Variants in GPATCH8 observed in about 807,000 individuals in gnomAD.
The protein encoded by GPATCH8 is G patch domain-containing protein 8.
A neutral mutation model predicts 118.3 loss-of-function variants in GPATCH8; 18 were observed. That is an observed-to-expected ratio of 0.15 (90% CI 0.11 to 0.23). GPATCH8 has a LOEUF of 0.23. Ranked by LOEUF, GPATCH8 falls within the 10% of genes least tolerant of loss-of-function variation. GPATCH8 has a pLI of 1.00. For synonymous variants in GPATCH8, 659 were observed against 684.7 expected (o/e 0.96, Z 0.59); for missense variants, 1,631 against 1,873.8 (o/e 0.87, Z 2.39).
At chr17:44,423,206 C>T (rs2049976724) in intron 6 of GPATCH8, among the ~76,000 whole-genome samples, 1 of 152,112 alleles carries the variant, frequency 6.6e-6, no homozygotes, top group Admixed American at 6.6e-5. Flanking sequence ...CACCACTGCA[C>T]TCCAGCTTGG....
chr17:44,494,143 C>T (rs1268187994), intron 1 of GPATCH8, among the ~76,000 whole-genome samples: 3 of 152,160 alleles, frequency 2.0e-5, no homozygotes, highest in Non-Finnish European at 4.4e-5. Flanking sequence ...ACCTTTCTAG[C>T]TCATTCCCTA....
At chr17:44,406,727 A>C (rs919727781) in intron 6 of GPATCH8, among the ~76,000 whole-genome samples, 4 of 152,164 alleles carry the variant, frequency 2.6e-5, no homozygotes, top group Non-Finnish European at 5.9e-5. Context: ...CATGGCCCTG[A>C]GAGGAATATC....
At chr17:44,464,690 A>G in intron 2 of GPATCH8, 146 bp from the exon 3 acceptor site, 1 of 689,086 alleles carries the variant, frequency 1.5e-6, no homozygotes, top group East Asian at 2.6e-5. Context: ...AATGTGCCCA[A>G]TAAGAGGGAC....
intron 1 of GPATCH8, among the ~76,000 whole-genome samples, chr17:44,482,330 T>C (rs1310678830): frequency 6.6e-6 from 1 of 151,596 alleles, no homozygotes; most frequent in African/African-American, 2.4e-5. Flanking sequence ...TACCAGCACT[T>C]TGGGAGGCCA....
intron 1 of GPATCH8, among the ~76,000 whole-genome samples, chr17:44,490,535 C>T (rs2144467996): frequency 6.6e-6 from 1 of 151,900 alleles, no homozygotes; most frequent in East Asian, 1.9e-4. Flanking sequence ...ATTTCATTAT[C>T]TAAATCAACA....
chr17:44,436,873 C>A, intron 3 of GPATCH8: 1 of 309,534 alleles, frequency 3.2e-6, no homozygotes, highest in Non-Finnish European at 6.2e-6. Context: ...TTAAGATCCC[C>A]AAATAACTTC....
rs758164012 is a variant in GPATCH8 at position 44,401,377 on chromosome 17, C to T, written c.700G>A (p.Glu234Lys). ...CCTGTGCCACTATTTGTAGCTGATT[C>T]ATCTTTATCATCTTCTCCACCTTCT... Reference protein sequence around the residue: ...DEEGGEDDKDESATNSGTGAT... With the variant: ...DEEGGEDDKDKSATNSGTGAT... Residue 234 changes from glutamate to lysine, a missense_variant, in exon 8 of 8, where the codon GAA becomes AAA. Transcript: ENST00000591680. 7 of 1,612,532 alleles carry T rather than the reference C, an allele frequency of 4.3e-6. No homozygotes were observed. In the Admixed American group the frequency reaches 1.0e-4, roughly 23 times the overall value.
rs779475597 is a variant in GPATCH8 at position 44,398,308 on chromosome 17, C to T, written c.3769G>A (p.Asp1257Asn). The part of the protein sequence containing the change: ...PSDGDTLESL[D>N]SSSQPGPVES... ...ACAGGGCCTGGCTGACTGCTGCTAT[C>T]CAGGGACTCCAGGGTGTCCCCATCA... Residue 1257 changes from aspartate to asparagine, a missense_variant, in exon 8 of 8, where the codon GAT (aspartate) becomes AAT (asparagine). By Grantham distance (23) the Asp-to-Asn change is conservative. This residue lies in a region of GPATCH8 where 922 missense variants were observed against 879.7 expected (regional missense o/e 1.05). Coordinates refer to ENST00000591680, the MANE Select transcript of GPATCH8 (RefSeq NM_001002909.4). The T allele has an allele frequency of 4.3e-6, 7 of 1,613,868 alleles. No homozygotes were observed. The East Asian group carries it at 1.3e-4, about 31-fold the overall frequency.
At chr17:44,468,957 A>AC in intron 2 of GPATCH8, among the ~76,000 whole-genome samples, 1 of 152,060 alleles carries the variant, frequency 6.6e-6, no homozygotes, top group Non-Finnish European at 1.5e-5. Flanking sequence ...TCTGCTCAAG[A>AC]CCCCAAAATG....
At chr17:44,463,342 A>G (rs1438666025) in intron 3 of GPATCH8, among the ~76,000 whole-genome samples, 2 of 152,194 alleles carry the variant, frequency 1.3e-5, no homozygotes, top group East Asian at 1.9e-4. Context: ...CTATTATACA[A>G]TAAGCTCCCG....
chr17:44,442,920 A>C (rs886613739), intron 3 of GPATCH8, among the ~76,000 whole-genome samples: 6 of 152,056 alleles, frequency 3.9e-5, no homozygotes, highest in East Asian at 1.9e-4. Context: ...TCTCCAAAAA[A>C]TTTTTCTTAA....
At chr17:44,465,821 G>A (rs557766800) in intron 2 of GPATCH8, 9 of 152,238 alleles carry the variant, frequency 5.9e-5, no homozygotes, top group Admixed American at 2.6e-4. Context: ...ATGATAAAGT[G>A]TTCTTTGAAC....
intron 2 of GPATCH8, chr17:44,474,458 C>A: frequency 1.4e-5 from 4 of 286,950 alleles, no homozygotes; most frequent in South Asian, 3.5e-5. Flanking sequence ...TATGTAGGAA[C>A]ATTTCATACA....
At position 44,464,481 on chromosome 17, in the gene GPATCH8, A is replaced by T; in HGVS notation, c.184T>A (p.Ser62Thr). Residue 62 changes from serine (S) to threonine (T), a missense_variant, in exon 3 of 8, where the codon TCT becomes ACT. This residue lies in a region of GPATCH8 where 81 missense variants were observed against 227.6 expected (regional missense o/e 0.36). Coordinates refer to ENST00000591680, the MANE Select transcript of GPATCH8 (RefSeq NM_001002909.4). ...AAATGTAAACACTTACCCTGAAGAG[A>T]TTTTCCCAATCCCTGGCCCAGCTTC... Reference protein sequence around the residue: ...GWKLGQGLGKSLQGRTDPIPI... With the variant: ...GWKLGQGLGKTLQGRTDPIPI... The T allele has an allele frequency of 6.3e-7, 1 of 1,578,068 alleles. No homozygotes were observed. Among genetic ancestry groups the T allele is most frequent in the Non-Finnish European group, 8.7e-7 (1 of 1,147,660 alleles).
At chr17:44,414,058 CATAT>C (rs3065774) in intron 6 of GPATCH8, among the ~76,000 whole-genome samples, 78,104 of 138,152 alleles carry the variant, frequency 0.57, 21,800 homozygotes, top group Middle Eastern at 0.65. Context: ...TGCTTTAAGG[CATAT>C]ATATATATAT....
At chr17:44,464,358 GGTA>G in intron 3 of GPATCH8, 111 bp downstream of exon 3, 1 of 777,434 alleles carries the variant, frequency 1.3e-6, no homozygotes, top group Non-Finnish European at 2.4e-6. Flanking sequence ...AGGGGAAAAA[GGTA>G]GTAGGGAGAA....
chr17:44,502,936 C>T (rs1410431916), intron 1 of GPATCH8, among the ~76,000 whole-genome samples: 1 of 152,218 alleles, frequency 6.6e-6, no homozygotes, highest in African/African-American at 2.4e-5. Context: ...GAAGCCTTGG[C>T]CTCAGCAATA....
chr17:44,430,106 C>T (rs2050252271), intron 5 of GPATCH8, among the ~76,000 whole-genome samples: 1 of 113,082 alleles, frequency 8.8e-6, no homozygotes, highest in Non-Finnish European at 1.7e-5. Flanking sequence ...TAAAACTAAG[C>T]AATACATATT....
At chr17:44,491,432 G>A (rs1487638461) in intron 1 of GPATCH8, among the ~76,000 whole-genome samples, 1 of 147,680 alleles carries the variant, frequency 6.8e-6, no homozygotes, top group Non-Finnish European at 1.5e-5. Context: ...AGACTGCAGT[G>A]AGCCGAGATT....
Sources: gnomAD v4.1 joint callset for allele counts (sites outside exome capture counted in the v4.1 genomes callset) on GRCh38, gnomAD v4.1.1 for gene constraint, gnomAD v4.1.1 regional missense constraint, MANE v1.5 for transcripts, NCBI Gene and HGNC (gene_info 2026-07-23, HGNC 2026-07-21) for gene names.